AKAP13: variants seen among roughly 807,000 people sequenced by gnomAD.
The protein encoded by AKAP13 is A-kinase anchor protein 13.
AKAP13 carries 80 observed loss-of-function variants against 264.5 expected under a neutral mutation model. That is an observed-to-expected ratio of 0.30 (90% CI 0.25 to 0.36). AKAP13 has a LOEUF of 0.36. Among genes scored for constraint, AKAP13 ranks in the 10% least tolerant of loss-of-function variants. AKAP13 has a pLI of 1.00. For missense variants in AKAP13, 3,712 were observed against 3,435.2 expected (o/e 1.08, Z -2.01); for synonymous variants, 1,380 against 1,250.2 (o/e 1.10, Z -2.19).
chr15:85,506,650 T>G (rs1026543091), intron 2 of AKAP13, among the ~76,000 whole-genome samples: 16 of 152,312 alleles, frequency 1.1e-4, no homozygotes, highest in African/African-American at 3.6e-4. Flanking sequence ...GAGCTCATAC[T>G]TCATTGAGGA....
intron 17 of AKAP13, among the ~76,000 whole-genome samples, chr15:85,695,635 A>G (rs2085524849): frequency 6.6e-6 from 1 of 152,162 alleles, no homozygotes; most frequent in African/African-American, 2.4e-5. Context: ...CAGCAACACT[A>G]TTTGTTTTAC....
In AKAP13 at chr15:85,722,342, C is replaced by G. The variant is rs368026091; in HGVS notation, c.6491C>G (p.Thr2164Ser). Residue 2164 changes from threonine to serine, a missense_variant, in exon 25 of 37, where the codon ACC (threonine) becomes AGC (serine). Physicochemically the swap from Thr to Ser is moderately conservative, Grantham distance 58. Transcript: ENST00000394518. Reference sequence around the variant, plus strand: ...TTATTCCAAAGAATATTGCAGTGTACCAAAGGTAAGTCTCCTTTCTAACTC... The same window carrying G: ...TTATTCCAAAGAATATTGCAGTGTAGCAAAGGTAAGTCTCCTTTCTAACTC... The part of the protein sequence containing the change: ...PVLFQRILQC[T>S]KDNEVEQEDL... 1 of 1,607,550 alleles carries G rather than the reference C, an allele frequency of 6.2e-7. No homozygotes were observed.
intron 15 of AKAP13, among the ~76,000 whole-genome samples, chr15:85,683,925 A>G (rs959568644): frequency 6.6e-6 from 1 of 152,196 alleles, no homozygotes; most frequent in African/African-American, 2.4e-5. Flanking sequence ...CTGTGCCTCA[A>G]TTCTGTCTGC....
rs147610265 is a variant in AKAP13 at position 85,450,086 on chromosome 15, A to G, written c.-11-35624A>G. 2.8e-3 allele frequency among the ~76,000 whole-genome samples: 423 copies of G among 151,936 alleles called. 1 individual carries two copies. The highest frequency in any genetic ancestry group is 7.5e-3 in the African/African-American group (309 of 41,438). ...TTGGTATGCTTTTATTACTGATTCA[A>G]TTTTGGAGCTCATTATTGGTCTGTT... On this transcript the variant is annotated intron_variant, in intron 1 of 36. Transcript: ENST00000394518.
chr15:85,540,597 G>A (rs868026704), intron 4 of AKAP13, among the ~76,000 whole-genome samples: 2 of 152,188 alleles, frequency 1.3e-5, no homozygotes, highest in African/African-American at 4.8e-5. Flanking sequence ...CTGATGCAGA[G>A]AAAAGGGAAC....
intron 8 of AKAP13, among the ~76,000 whole-genome samples, chr15:85,631,903 G>A (rs1239966231): frequency 6.6e-6 from 1 of 151,854 alleles, no homozygotes; most frequent in Non-Finnish European, 1.5e-5. Flanking sequence ...AAGAAAATTT[G>A]GGAAACTACA....
intron 2 of AKAP13, among the ~76,000 whole-genome samples, chr15:85,487,209 C>G (rs1219466941): frequency 6.6e-6 from 1 of 152,188 alleles, no homozygotes; most frequent in Non-Finnish European, 1.5e-5. Context: ...ATCAAGTGAT[C>G]AGAGATCGTT....
chr15:85,387,191 C>T (rs1347799573), intron 1 of AKAP13, among the ~76,000 whole-genome samples: 2 of 151,972 alleles, frequency 1.3e-5, no homozygotes, highest in Non-Finnish European at 2.9e-5. Flanking sequence ...CAAAAAATAG[C>T]TGGGCGTGGT....
chr15:85,498,725 G>C (rs1206654114), intron 2 of AKAP13, among the ~76,000 whole-genome samples: 1 of 152,046 alleles, frequency 6.6e-6, no homozygotes, highest in East Asian at 1.9e-4. Context: ...TTGGTATGTG[G>C]GGTGACCTGG....
chr15:85,460,362 T>G (rs985987467), intron 1 of AKAP13, among the ~76,000 whole-genome samples: 5 of 152,256 alleles, frequency 3.3e-5, no homozygotes, highest in African/African-American at 1.2e-4. Context: ...CCCTGCATTT[T>G]ACCCATCATT....
chr15:85,480,628 G>A (rs561580622), intron 1 of AKAP13, among the ~76,000 whole-genome samples: 1 of 151,882 alleles, frequency 6.6e-6, no homozygotes, highest in South Asian at 2.1e-4. Context: ...GGGTGGGGGG[G>A]TTAAGCTGAA....
chr15:85,620,445 G>GA (rs1488299912), intron 8 of AKAP13, among the ~76,000 whole-genome samples: 1 of 152,220 alleles, frequency 6.6e-6, no homozygotes, highest in East Asian at 1.9e-4. Flanking sequence ...TCATACTGTT[G>GA]AAAATCACAG....
intron 1 of AKAP13, among the ~76,000 whole-genome samples, chr15:85,392,101 A>T (rs890762020): frequency 6.6e-6 from 1 of 151,604 alleles, no homozygotes; most frequent in African/African-American, 2.4e-5. Flanking sequence ...ATTCTTAATA[A>T]AAGGAGTTAA....
Position 85,747,752 on chromosome 15 carries a change from T to C in AKAP13, c.*3075T>C, listed in dbSNP as rs542251185. 74 of 152,824 alleles carry C rather than the reference T, an allele frequency of 4.8e-4. No individual in the cohort carries two copies. The highest frequency in any genetic ancestry group is 4.8e-3 in the Admixed American group (73 of 15,310). The allele number at this position is 152,824 out of a possible 1,614,324, so 9.5% of individuals were successfully genotyped here. A position where few individuals can be genotyped will look rare whatever the true frequency, so the allele number is the denominator to read the frequency against. ...ACTTTCAACCTTTGCCAGTATTCCC[T>C]CTACCCCCGTGAGAGCTATCTGGGG... is the stretch of plus-strand genomic sequence containing the variant. On this transcript the variant is annotated 3_prime_UTR_variant, in exon 37 of 37. Coordinates refer to ENST00000394518, the MANE Select transcript of AKAP13 (RefSeq NM_007200.5).
At chr15:85,427,416 C>A (rs2072843495) in intron 1 of AKAP13, among the ~76,000 whole-genome samples, 1 of 151,812 alleles carries the variant, frequency 6.6e-6, no homozygotes, top group Non-Finnish European at 1.5e-5. Flanking sequence ...TTTTGAGAGG[C>A]CTGTGTAATC....
At chr15:85,620,589 G>A (rs1391645917) in intron 8 of AKAP13, among the ~76,000 whole-genome samples, 1 of 151,598 alleles carries the variant, frequency 6.6e-6, no homozygotes, top group East Asian at 1.9e-4. Flanking sequence ...AAGTATTTCT[G>A]TCTTTTGTCT....
chr15:85,633,771 C>T (rs1328711273), intron 8 of AKAP13, among the ~76,000 whole-genome samples: 2 of 151,776 alleles, frequency 1.3e-5, no homozygotes, highest in African/African-American at 4.8e-5. Flanking sequence ...GTCTCGATCT[C>T]CTGACCTCGT....
rs952809122 is a variant in AKAP13, at chr15:85,590,356, A to G, written c.4161+4533A>G. 1.6e-4 allele frequency among the ~76,000 whole-genome samples: 25 copies of G among 152,250 alleles called. No homozygotes were observed. The South Asian group carries it at 2.7e-3, about 16-fold the overall frequency. ...AGAACCTCTGTCGAGTGGCACTACCAAGGATTTAAAGAAAAAAGCTACAGC... is the reference window on the plus strand; with the variant it reads ...AGAACCTCTGTCGAGTGGCACTACCGAGGATTTAAAGAAAAAAGCTACAGC... On this transcript the variant is annotated intron_variant, in intron 8 of 36. Transcript: ENST00000394518.
intron 19 of AKAP13, among the ~76,000 whole-genome samples, chr15:85,713,725 A>G (rs1303655411): frequency 6.6e-6 from 1 of 152,182 alleles, no homozygotes; most frequent in Non-Finnish European, 1.5e-5. Context: ...TAATGATTAT[A>G]TTAATGCTCA....
Sources: allele counts gnomAD v4.1 joint callset (sites outside exome capture counted in the v4.1 genomes callset), GRCh38; gene constraint gnomAD v4.1.1; transcripts MANE v1.5; gene names NCBI Gene and HGNC (gene_info 2026-07-23, HGNC 2026-07-21).